The following KLF15 variants were observed in gnomAD, a reference collection of about 807,000 sequenced individuals.
The protein encoded by KLF15 is Krueppel-like factor 15.
A neutral mutation model predicts 24.6 loss-of-function variants in KLF15; 4 were observed. The observed-to-expected ratio is 0.16, with a 90% CI of 0.08 to 0.37. KLF15 has a LOEUF of 0.37. Ranked by LOEUF, KLF15 falls within the 10% of genes least tolerant of loss-of-function variation. The pLI, the probability that KLF15 is intolerant of heterozygous loss-of-function variation, is 1.00. For synonymous variants in KLF15, 246 were observed against 236.3 expected (o/e 1.04, Z -0.37); for missense variants, 496 against 560.6 (o/e 0.88, Z 1.16).
At chr3:126,299,400 G>A in the KLF15 span, among the ~76,000 whole-genome samples, 3 of 151,950 alleles carry the variant, frequency 2.0e-5, no homozygotes, top group South Asian at 4.2e-4. Context: ...GGAGCTTTTA[G>A]TTAAAATGAA....
downstream of KLF15, among the ~76,000 whole-genome samples, chr3:126,340,425 G>A (rs1423472747): frequency 6.6e-5 from 10 of 152,262 alleles, no homozygotes; most frequent in Admixed American, 1.3e-4. Context: ...CAACAAGAGC[G>A]AAGGAGGCTG....
At chr3:126,309,055 C>G in the KLF15 span, among the ~76,000 whole-genome samples, 1 of 152,200 alleles carries the variant, frequency 6.6e-6, no homozygotes, top group Non-Finnish European at 1.5e-5. Flanking sequence ...GAGCAGGCAT[C>G]AAAGGTGAGA....
chr3:126,341,067 A>G (rs1394983939), downstream of KLF15, among the ~76,000 whole-genome samples: 1 of 152,218 alleles, frequency 6.6e-6, no homozygotes, highest in East Asian at 1.9e-4. Flanking sequence ...GCTGGAGCCC[A>G]GGATCAACAG....
In KLF15 at chr3:126,352,104, G is replaced by C; in HGVS notation, c.819C>G (p.Asn273Lys). 1 of 1,553,188 alleles carries C rather than the reference G, an allele frequency of 6.4e-7. No homozygotes were observed. The highest frequency in any genetic ancestry group is 8.7e-7 in the Non-Finnish European group (1 of 1,147,832). ...CAATGCGCACAAACTTGGAGGGCAG[G>C]TTCAAGTTGGAGGAGGGTACCACCT... ...VPQVVPSSNL[N>K]LPSKFVRIAP... is the part of the protein sequence containing the mutation. The change falls in exon 2 of 3, where the codon AAC becomes AAG. Residue 273 changes from asparagine to lysine, a missense_variant. Transcript: ENST00000296233.
chr3:126,288,669 C>T, the KLF15 span, among the ~76,000 whole-genome samples: 1 of 152,242 alleles, frequency 6.6e-6, no homozygotes, highest in Non-Finnish European at 1.5e-5. Flanking sequence ...CAACAGGACG[C>T]GGCCCGCTCA....
In KLF15 at chr3:126,356,981, G is replaced by C. The variant is rs1303901925; in HGVS notation, c.-26+256C>G. Among the ~76,000 whole-genome samples the C allele has an allele frequency of 6.6e-6, 1 of 151,768 alleles. No individual in the cohort carries two copies. The highest frequency in any genetic ancestry group is 2.4e-5 in the African/African-American group (1 of 41,332). ...GCGCGCCACGGAATCGCCCGGCCAG[G>C]CACCGAGGCGGCGGCGCGGGCCTCA... On this transcript the variant is annotated intron_variant, in intron 1 of 2. Transcript: ENST00000296233. The surrounding 1 kb of genome is among the most constrained non-coding windows in gnomAD (Gnocchi z 4.4).
the KLF15 span, among the ~76,000 whole-genome samples, chr3:126,318,188 A>G: frequency 6.6e-6 from 1 of 152,194 alleles, no homozygotes; most frequent in African/African-American, 2.4e-5. Flanking sequence ...CAACTTTGCG[A>G]CAACCTCACT....
At chr3:126,330,516 C>T in the KLF15 span, among the ~76,000 whole-genome samples, 1 of 148,998 alleles carries the variant, frequency 6.7e-6, no homozygotes, top group Non-Finnish European at 1.5e-5. Flanking sequence ...CTTGTCCCTT[C>T]CTTTCCTATC....
the KLF15 span, among the ~76,000 whole-genome samples, chr3:126,305,670 C>A: frequency 2.6e-5 from 4 of 152,162 alleles, no homozygotes; most frequent in Non-Finnish European, 5.9e-5. Context: ...GCTTTTCTAG[C>A]CTCTGGTGTG....
chr3:126,323,425 ATATATATATAACATATATATGT>A, the KLF15 span, among the ~76,000 whole-genome samples: 205 of 34,858 alleles, frequency 5.9e-3, no homozygotes, highest in Non-Finnish European at 8.8e-3. Context: ...ATATATATAT[ATATATATATAACATATATATGT>A]TATATATATA....
chr3:126,355,535 C>A (rs1453342455), intron 1 of KLF15, among the ~76,000 whole-genome samples: 28 of 152,236 alleles, frequency 1.8e-4, no homozygotes, highest in Admixed American at 1.8e-3. Flanking sequence ...GGCCTCCAGG[C>A]CCACTCTGTT....
At chr3:126,339,871 T>C (rs1302669361), downstream of KLF15, among the ~76,000 whole-genome samples, 5 of 152,234 alleles carry the variant, frequency 3.3e-5, no homozygotes, top group African/African-American at 7.2e-5. Context: ...GGAGTCAAGA[T>C]TGTCATTTGC....
the KLF15 span, among the ~76,000 whole-genome samples, chr3:126,319,859 G>C: frequency 6.6e-6 from 1 of 152,184 alleles, no homozygotes. Context: ...GTGCAGGGGA[G>C]GGGGAACTGG....
the KLF15 span, among the ~76,000 whole-genome samples, chr3:126,299,205 A>ATGTATGTAT: frequency 6.7e-6 from 1 of 150,374 alleles, no homozygotes. Context: ...TATATTCCTA[A>ATGTATGTAT]GTATGTATGT....
chr3:126,345,112 C>T (rs955136122), intron 2 of KLF15, among the ~76,000 whole-genome samples: 4 of 152,172 alleles, frequency 2.6e-5, no homozygotes, highest in Non-Finnish European at 4.4e-5. Flanking sequence ...CTTCCCTCCC[C>T]CTCCTTGCTC....
At chr3:126,351,819 G>T (rs370768063) in intron 2 of KLF15, 22 bp downstream of exon 2, 2 of 1,602,410 alleles carry the variant, frequency 1.2e-6, no homozygotes, top group Non-Finnish European at 1.7e-6. Context: ...CACTGCCCAG[G>T]CCTGTCACTC....
chr3:126,330,246 A>G, the KLF15 span, among the ~76,000 whole-genome samples: 3 of 152,212 alleles, frequency 2.0e-5, no homozygotes, highest in African/African-American at 4.8e-5. Flanking sequence ...AACTCAGGTC[A>G]GCAGACTCCC....
chr3:126,303,816 A>G, the KLF15 span, among the ~76,000 whole-genome samples: 3 of 150,958 alleles, frequency 2.0e-5, no homozygotes, highest in East Asian at 1.9e-4. Flanking sequence ...TATTTATTTT[A>G]TATTTTTTAT....
downstream of KLF15, among the ~76,000 whole-genome samples, chr3:126,339,786 C>G (rs1198120909): frequency 6.6e-6 from 1 of 152,216 alleles, no homozygotes; most frequent in African/African-American, 2.4e-5. Context: ...CCTCCCGGCT[C>G]TCACGGCCCC....
Sources: gnomAD v4.1 joint callset for allele counts (sites outside exome capture counted in the v4.1 genomes callset) on GRCh38, gnomAD v4.1.1 for gene constraint, Gnocchi (gnomAD v3.1) non-coding constraint, MANE v1.5 for transcripts, NCBI Gene and HGNC (gene_info 2026-07-23, HGNC 2026-07-21) for gene names.